The following RETREG1 variants were observed in gnomAD, a reference collection of about 807,000 sequenced individuals.
RETREG1 encodes reticulophagy regulator 1, also known as family with sequence similarity 134 member B.
Under a neutral mutation model 54.8 loss-of-function variants are expected in RETREG1, and 44 were observed. The observed-to-expected ratio is 0.80, with a 90% confidence interval of 0.63 to 1.03. The LOEUF is 1.03. RETREG1 is among the 50% of genes least tolerant of loss of function. The probability of loss-of-function intolerance (pLI) is 0.00; values close to 1 mark genes in which losing one functional copy is unlikely to be tolerated. For missense variants in RETREG1, 554 were observed against 605.1 expected (o/e 0.92, Z 0.89); for synonymous variants, 217 against 238.5 (o/e 0.91, Z 0.83).
Position 16,583,304 on chromosome 5 carries a change from G to A in RETREG1, c.321-11202C>T, listed in dbSNP as rs564631816. The stretch of plus-strand genomic sequence containing the variant: ...AATCAAGACCAGCCTGGGCAACAAT[G>A]GTAACACCCCATCTCTACCAAAAAT... On this transcript the variant is annotated intron_variant, in intron 1 of 8. Transcript: ENST00000306320. Among the ~76,000 whole-genome samples the A allele has an allele frequency of 2.9e-4, 44 of 151,252 alleles. No homozygotes were observed. The South Asian group carries it at 2.9e-3, about 10-fold the overall frequency.
At chr5:16,549,403 C>G (rs1170126961) in intron 3 of RETREG1, among the ~76,000 whole-genome samples, 1 of 152,144 alleles carries the variant, frequency 6.6e-6, no homozygotes. Context: ...ATCTCAATCA[C>G]CTATGTATTT....
At chr5:16,516,951 G>GA (rs11286663) in intron 3 of RETREG1, among the ~76,000 whole-genome samples, 15,342 of 151,032 alleles carry the variant, frequency 0.1, 899 homozygotes, top group African/African-American at 0.12. Context: ...AAAAGTAAAT[G>GA]AAAAAAAAAA....
Position 16,478,891 on chromosome 5 carries a change from C to T in RETREG1, c.767G>A (p.Gly256Glu), listed in dbSNP as rs950385242. ...CTTCTGATTAATATATTCTCCAATTCCAAAATCCAGTTTCAGCAGAACTGA... is the reference window on the plus strand; with the variant it reads ...CTTCTGATTAATATATTCTCCAATTTCAAAATCCAGTTTCAGCAGAACTGA... ...IKSVLLKLDF[G>E]IGEYINQKKR... The change falls in exon 6 of 9, where the codon GGA becomes GAA. Residue 256 changes from glycine (G) to glutamate (E), a missense_variant. Coordinates refer to ENST00000306320, the MANE Select transcript of RETREG1 (RefSeq NM_001034850.3). 1.2e-6 allele frequency: 2 copies of T among 1,612,386 alleles called. No homozygotes were observed. Among genetic ancestry groups the T allele is most frequent in the Non-Finnish European group, 1.7e-6 (2 of 1,178,946 alleles).
At chr5:16,576,380 C>A (rs1742318430) in intron 1 of RETREG1, among the ~76,000 whole-genome samples, 1 of 151,740 alleles carries the variant, frequency 6.6e-6, no homozygotes, top group Non-Finnish European at 1.5e-5. Context: ...GCAACCTCCA[C>A]CTCCTGGGTT....
At chr5:16,484,789 CT>C (rs537139125) in intron 3 of RETREG1, among the ~76,000 whole-genome samples, 26 of 152,188 alleles carry the variant, frequency 1.7e-4, no homozygotes, top group Admixed American at 1.3e-3. Context: ...TTCTTTCAGC[CT>C]CAACTAATGC....
Position 16,497,267 on chromosome 5 carries a change from C to T in RETREG1, c.459-13795G>A, listed in dbSNP as rs80021441. ...ACCAGGATCAGAACCCAGTCTCCAG[C>T]TTCAATCCACCAGCCTCCAAAGCCC... On this transcript the variant is annotated intron_variant, in intron 3 of 8. Transcript: ENST00000306320. 6.5e-3 allele frequency among the ~76,000 whole-genome samples: 991 copies of T among 152,298 alleles called. 14 individuals are homozygous for T. Among genetic ancestry groups the T allele is most frequent in the African/African-American group, 0.023 (955 of 41,554 alleles).
At chr5:16,507,772 T>C (rs1392622966) in intron 3 of RETREG1, among the ~76,000 whole-genome samples, 1 of 152,234 alleles carries the variant, frequency 6.6e-6, no homozygotes, top group East Asian at 1.9e-4. Flanking sequence ...CCCTTGTTCC[T>C]AGAGAGTTAC....
rs564903508 is a variant in RETREG1 at position 16,517,594 on chromosome 5, C to T, written c.459-34122G>A. 3.2e-4 allele frequency among the ~76,000 whole-genome samples: 48 copies of T among 152,266 alleles called. 1 individual carries two copies. The South Asian group carries it at 6.6e-3, about 21-fold the overall frequency. On this transcript the variant is annotated intron_variant, in intron 3 of 8. Coordinates refer to ENST00000306320, the MANE Select transcript of RETREG1 (RefSeq NM_001034850.3). ...TATCACCAAGTCCCATCAACCCTAA[C>T]ATATTGAGCTACACTTCTAACCACC... is the stretch of plus-strand genomic sequence containing the variant.
rs544656708 is a variant in RETREG1, at chr5:16,517,488, TTAAG to T, written c.459-34020_459-34017del. ...TATCTTATTAGTTGATATTAATTAC[TTAAG>T]TAAGTGAAGAAATGGTCAACTGAGG... On this transcript the variant is annotated intron_variant, in intron 3 of 8. Transcript: ENST00000306320. Among the ~76,000 whole-genome samples, 679 of 152,328 alleles carry T rather than the reference TTAAG, an allele frequency of 4.5e-3. 7 individuals carry two copies. Among genetic ancestry groups the T allele is most frequent in the African/African-American group, 0.016 (656 of 41,554 alleles).
chr5:16,505,718 C>T (rs1739926854), intron 3 of RETREG1, among the ~76,000 whole-genome samples: 1 of 152,152 alleles, frequency 6.6e-6, no homozygotes, highest in Non-Finnish European at 1.5e-5. Context: ...AGAGGCCCTC[C>T]CAGGCCCCGG....
chr5:16,563,035 T>C (rs1741907239), intron 3 of RETREG1, among the ~76,000 whole-genome samples: 1 of 152,322 alleles, frequency 6.6e-6, no homozygotes. Context: ...AAGTCTGTAC[T>C]GTCTTCTCAA....
At chr5:16,540,473 A>G (rs891066336) in intron 3 of RETREG1, among the ~76,000 whole-genome samples, 1 of 152,196 alleles carries the variant, frequency 6.6e-6, no homozygotes, top group Non-Finnish European at 1.5e-5. Flanking sequence ...GATCTTAAAA[A>G]CTGAGAATCT....
chr5:16,554,119 G>C (rs1009241454), intron 3 of RETREG1, among the ~76,000 whole-genome samples: 1 of 152,170 alleles, frequency 6.6e-6, no homozygotes, highest in East Asian at 1.9e-4. Flanking sequence ...GCCTCAAAAA[G>C]CAAGAATTTA....
At chr5:16,614,947 G>A (rs995512152) in intron 1 of RETREG1, among the ~76,000 whole-genome samples, 43 of 152,212 alleles carry the variant, frequency 2.8e-4, no homozygotes, top group Non-Finnish European at 5.9e-4. Context: ...AAGAGACACA[G>A]GAAACTAGCA....
intron 3 of RETREG1, among the ~76,000 whole-genome samples, chr5:16,522,766 A>G (rs1186518706): frequency 6.6e-6 from 1 of 152,110 alleles, no homozygotes; most frequent in East Asian, 1.9e-4. Context: ...ACAGTTTGAG[A>G]GGCTAAGGTG....
At chr5:16,483,973 T>C (rs1561081388) in intron 3 of RETREG1, among the ~76,000 whole-genome samples, 2 of 152,042 alleles carry the variant, frequency 1.3e-5, no homozygotes, top group African/African-American at 2.4e-5. Context: ...ACCTTAAGGA[T>C]TGGGAAACCA....
chr5:16,573,607 G>A (rs182774803), intron 1 of RETREG1, among the ~76,000 whole-genome samples: 3 of 152,082 alleles, frequency 2.0e-5, no homozygotes, highest in Admixed American at 1.3e-4. Context: ...AAAGTCCAAG[G>A]CAGGCAAGGC....
intron 3 of RETREG1, among the ~76,000 whole-genome samples, chr5:16,564,714 T>C (rs999827783): frequency 6.6e-6 from 1 of 152,150 alleles, no homozygotes; most frequent in African/African-American, 2.4e-5. Flanking sequence ...TCTCTTCTTA[T>C]ATCCAATGTC....
chr5:16,497,877 C>G (rs564698876), intron 3 of RETREG1, among the ~76,000 whole-genome samples: 1 of 152,310 alleles, frequency 6.6e-6, no homozygotes, highest in African/African-American at 2.4e-5. Context: ...CCTTATGGGA[C>G]ACAACAGCTT....
Sources: allele counts gnomAD v4.1 joint callset (sites outside exome capture counted in the v4.1 genomes callset), GRCh38; gene constraint gnomAD v4.1.1; transcripts MANE v1.5; gene names NCBI Gene and HGNC (gene_info 2026-07-23, HGNC 2026-07-21).